SLC27A6: variants seen among roughly 807,000 people sequenced by gnomAD.
The protein encoded by SLC27A6 is solute carrier family 27 member 6.
A neutral mutation model predicts 63.9 loss-of-function variants in SLC27A6; 74 were observed. That is an observed-to-expected ratio of 1.16 (90% CI 0.96 to 1.40). The LOEUF is 1.40. Ranked by LOEUF, SLC27A6 falls within the 40% of genes most tolerant of loss-of-function variation. The pLI, the probability that SLC27A6 is intolerant of heterozygous loss-of-function variation, is 0.00. For synonymous variants in SLC27A6, 287 were observed against 260.8 expected (o/e 1.10, Z -0.97); for missense variants, 794 against 732.9 (o/e 1.08, Z -0.96).
At chr5:129,006,071 G>GTTTTTTTTTTATTTTTTT (rs1751514451) in intron 4 of SLC27A6, among the ~76,000 whole-genome samples, 1 of 60,148 alleles carries the variant, frequency 1.7e-5, no homozygotes, top group Non-Finnish European at 2.7e-5. Flanking sequence ...TGTGCACACT[G>GTTTTTTTTTTATTTTTTT]TTTTTTTTTT....
intron 4 of SLC27A6, among the ~76,000 whole-genome samples, chr5:129,007,915 G>C (rs1751598498): frequency 6.6e-6 from 1 of 151,968 alleles, no homozygotes; most frequent in Middle Eastern, 3.4e-3. Context: ...CAAAAGCATG[G>C]AACATCATAT....
rs1017559808 is a variant in SLC27A6, at chr5:128,976,856, G to A, written c.482-8277G>A. On this transcript the variant is annotated intron_variant, in intron 1 of 9. Transcript: ENST00000262462. The stretch of plus-strand genomic sequence containing the variant: ...TAAATTGAAAGAGTTCCGGGTAATT[G>A]AATAGTTTTTTAAAGGTCTCTATTT... 8.5e-5 allele frequency among the ~76,000 whole-genome samples: 13 copies of A among 152,278 alleles called. 1 individual carries two copies. Among genetic ancestry groups the A allele is most frequent in the African/African-American group, 3.1e-4 (13 of 41,554 alleles).
chr5:128,972,493 C>T (rs1216161053), intron 1 of SLC27A6, among the ~76,000 whole-genome samples: 3 of 152,066 alleles, frequency 2.0e-5, no homozygotes, highest in East Asian at 1.9e-4. Context: ...CTTCTCTTCT[C>T]GTTTCATTTC....
At chr5:128,984,886 G>A (rs969517330) in intron 1 of SLC27A6, among the ~76,000 whole-genome samples, 2 of 152,126 alleles carry the variant, frequency 1.3e-5, no homozygotes, top group African/African-American at 4.8e-5. Flanking sequence ...TTGAATAATG[G>A]AGTCTCTTAA....
At chr5:128,979,531 T>C (rs257901) in intron 1 of SLC27A6, among the ~76,000 whole-genome samples, 100,222 of 152,012 alleles carry the variant, frequency 0.66, 33,762 homozygotes, top group East Asian at 0.88. Flanking sequence ...GTCTGTAGAT[T>C]GCTTTGGTCT....
At chr5:129,033,027 T>C (rs1010868814) in intron 9 of SLC27A6, 79 bp from the exon 10 acceptor site, 1 of 776,526 alleles carries the variant, frequency 1.3e-6, no homozygotes, top group African/African-American at 1.9e-5. Flanking sequence ...AATTTAATAT[T>C]ACAGTCTATA....
At chr5:129,016,500 T>A (rs73242078) in intron 5 of SLC27A6, among the ~76,000 whole-genome samples, 75 of 151,026 alleles carry the variant, frequency 5.0e-4, no homozygotes, top group African/African-American at 1.7e-3. Flanking sequence ...TTTTTTTTTT[T>A]AAGTTGAGAA....
At chr5:129,004,813 C>G (rs1002233865) in intron 4 of SLC27A6, among the ~76,000 whole-genome samples, 5 of 152,164 alleles carry the variant, frequency 3.3e-5, no homozygotes, top group Admixed American at 2.6e-4. Context: ...TAATTAACAA[C>G]CATCAGGCCC....
intron 1 of SLC27A6, among the ~76,000 whole-genome samples, chr5:128,971,837 G>A (rs1750177228): frequency 1.3e-5 from 2 of 152,126 alleles, no homozygotes; most frequent in South Asian, 4.1e-4. Context: ...CTCTTTAGTT[G>A]ATGCAGTTTC....
At chr5:129,009,628 A>C (rs764094540) in intron 4 of SLC27A6, among the ~76,000 whole-genome samples, 5 of 151,980 alleles carry the variant, frequency 3.3e-5, no homozygotes, top group Non-Finnish European at 5.9e-5. Flanking sequence ...TCTAATGTCT[A>C]TCACAAATCC....
intron 4 of SLC27A6, among the ~76,000 whole-genome samples, chr5:128,995,352 G>A (rs748428313): frequency 6.6e-6 from 1 of 152,110 alleles, no homozygotes; most frequent in Non-Finnish European, 1.5e-5. Context: ...AAGTAATATT[G>A]TAGGATTAGA....
chr5:129,006,231 G>A (rs374331191), intron 4 of SLC27A6, among the ~76,000 whole-genome samples: 6 of 151,218 alleles, frequency 4.0e-5, no homozygotes, highest in African/African-American at 9.7e-5. Context: ...GGCGCCAGCC[G>A]CCGCGCCAGC....
rs562970736 is a variant in SLC27A6, at chr5:128,996,736, A to G, written c.969+6272A>G. On this transcript the variant is annotated intron_variant, in intron 4 of 9. Transcript: ENST00000262462. The stretch of plus-strand genomic sequence containing the variant: ...TCCAAAAGAATGTATCATTCCTTTC[A>G]AGAGTTTTCTTTGTCATATCTAGAT... Among the ~76,000 whole-genome samples, 5 of 152,054 alleles carry G rather than the reference A, an allele frequency of 3.3e-5. No homozygotes were observed. The South Asian group carries it at 6.2e-4, about 19-fold the overall frequency.
chr5:128,975,320 CG>C (rs1199691777), intron 1 of SLC27A6, among the ~76,000 whole-genome samples: 1 of 152,150 alleles, frequency 6.6e-6, no homozygotes, highest in African/African-American at 2.4e-5. Context: ...AACTACACTC[CG>C]GTCTGGGGAA....
At chr5:128,992,647 G>C (rs966779428) in intron 4 of SLC27A6, among the ~76,000 whole-genome samples, 6 of 152,176 alleles carry the variant, frequency 3.9e-5, no homozygotes, top group African/African-American at 1.4e-4. Context: ...AAGGGAGGTA[G>C]TCTTAATCTA....
At chr5:128,996,967 T>C (rs1243026484) in intron 4 of SLC27A6, among the ~76,000 whole-genome samples, 1 of 152,154 alleles carries the variant, frequency 6.6e-6, no homozygotes, top group Non-Finnish European at 1.5e-5. Flanking sequence ...TTCTATTTAT[T>C]CTTTTTTCTT....
At chr5:128,990,570 G>A (rs930513544) in intron 4 of SLC27A6, 106 bp downstream of exon 4, 7 of 1,212,550 alleles carry the variant, frequency 5.8e-6, no homozygotes, top group Non-Finnish European at 7.9e-6. Context: ...GTTACTGGCG[G>A]GTCTTTGTTC....
At position 128,988,632 on chromosome 5, in the gene SLC27A6, C is replaced by T. The variant is rs1750871356; in HGVS notation, c.718C>T (p.Gln240Ter). Reference sequence around the variant, plus strand: ...AAAAGCAGCTGTGATTAGTCAGCTGCAGGTTTTAAGGGGTTCTGCTGTCCT... The same window carrying T: ...AAAAGCAGCTGTGATTAGTCAGCTGTAGGTTTTAAGGGGTTCTGCTGTCCT... ...LPKAAVISQL[Q>*]VLRGSAVLWA... The change falls in exon 3 of 10, where the codon CAG (glutamine) becomes TAG (stop). Residue 240 changes from glutamine to a stop codon, truncating the protein, a stop_gained. Transcript: ENST00000262462. LOFTEE classifies it high-confidence loss of function. 1 of 1,614,000 alleles carries T rather than the reference C, an allele frequency of 6.2e-7. No homozygotes were observed. The highest frequency in any genetic ancestry group is 2.2e-5 in the East Asian group (1 of 44,862).
chr5:129,016,140 C>T, intron 5 of SLC27A6, 61 bp downstream of exon 5: 1 of 1,267,500 alleles, frequency 7.9e-7, no homozygotes, highest in South Asian at 1.5e-5. Context: ...TACCTGTAAT[C>T]CCAACACTTT....
Sources: gnomAD v4.1 joint callset for allele counts (sites outside exome capture counted in the v4.1 genomes callset) on GRCh38, gnomAD v4.1.1 for gene constraint, MANE v1.5 for transcripts, NCBI Gene and HGNC (gene_info 2026-07-23, HGNC 2026-07-21) for gene names.